FAM20B: variants seen among roughly 807,000 people sequenced by gnomAD.
The protein encoded by FAM20B is glycosaminoglycan xylosylkinase.
FAM20B carries 23 observed loss-of-function variants against 43.8 expected under a neutral mutation model. The ratio of observed to expected loss-of-function variants is 0.53; its 90% CI spans 0.38 to 0.74. The LOEUF is 0.74. Ranked by LOEUF, FAM20B falls within the 30% of genes least tolerant of loss-of-function variation. The probability of loss-of-function intolerance (pLI) is 0.00; values close to 1 mark genes in which losing one functional copy is unlikely to be tolerated. For synonymous variants in FAM20B, 178 were observed against 192.4 expected, an observed-to-expected ratio of 0.93 and a Z score of 0.62; for missense variants, 440 against 510.5, an observed-to-expected ratio of 0.86 and a Z score of 1.33.
chr1:179,038,128 G>C (rs1209488492), intron 1 of FAM20B, among the ~76,000 whole-genome samples: 1 of 152,282 alleles, frequency 6.6e-6, no homozygotes, highest in Non-Finnish European at 1.5e-5. Context: ...TTTATGGGTT[G>C]GTCGGGACAG....
At chr1:179,056,232 T>C (rs985513761) in intron 4 of FAM20B, among the ~76,000 whole-genome samples, 2 of 152,208 alleles carry the variant, frequency 1.3e-5, no homozygotes, top group African/African-American at 2.4e-5. Context: ...GTATACATCA[T>C]TATAGTATCA....
chr1:179,018,251 G>A, the FAM20B span, among the ~76,000 whole-genome samples: 1 of 152,170 alleles, frequency 6.6e-6, no homozygotes, highest in Non-Finnish European at 1.5e-5. Context: ...CAGCCTAAAT[G>A]TCTAACTTAA....
At chr1:179,049,901 T>C (rs1650931704) in intron 2 of FAM20B, among the ~76,000 whole-genome samples, 1 of 152,212 alleles carries the variant, frequency 6.6e-6, no homozygotes, top group South Asian at 2.1e-4. Context: ...ATAAACATTT[T>C]AGTAGACATT....
rs1651997340 is a variant in FAM20B, at chr1:179,073,130, C to T, written c.*986C>T. On this transcript the variant is annotated 3_prime_UTR_variant, in exon 8 of 8. Coordinates refer to ENST00000263733, the MANE Select transcript of FAM20B (RefSeq NM_014864.4). ...TGAATTTCCACCTCTGCCTTTAAGG[C>T]ATTTTTGTCACTGAAGCTGCTGTTC... The T allele has an allele frequency of 6.6e-6, 1 of 152,204 alleles. No individual in the cohort carries two copies. Among genetic ancestry groups the T allele is most frequent in the Non-Finnish European group, 1.5e-5 (1 of 68,046 alleles). 9.4% of individuals were successfully genotyped at this position (152,204 alleles called of 1,614,324 possible). A position where few individuals can be genotyped will look rare whatever the true frequency, so the allele number is the denominator to read the frequency against.
intron 2 of FAM20B, among the ~76,000 whole-genome samples, chr1:179,048,892 C>A (rs376034092): frequency 1.7e-3 from 256 of 152,270 alleles, no homozygotes; most frequent in South Asian, 5.2e-3. Flanking sequence ...AGTTGAAGTT[C>A]ACTGCCTTTT....
intron 4 of FAM20B, among the ~76,000 whole-genome samples, chr1:179,058,986 G>A (rs1651345777): frequency 6.6e-6 from 1 of 152,168 alleles, no homozygotes; most frequent in Non-Finnish European, 1.5e-5. Flanking sequence ...TTAGGGAGGT[G>A]GAGCAGAGAA....
chr1:179,036,506 A>G (rs934616642), intron 1 of FAM20B, among the ~76,000 whole-genome samples: 1 of 152,158 alleles, frequency 6.6e-6, no homozygotes, highest in African/African-American at 2.4e-5. Flanking sequence ...TTCTTCTGAG[A>G]ATGTTAGTGA....
intron 2 of FAM20B, among the ~76,000 whole-genome samples, chr1:179,047,922 C>CT (rs1339949574): frequency 1.3e-5 from 2 of 152,222 alleles, no homozygotes; most frequent in African/African-American, 4.8e-5. Context: ...AGAGAAGAAT[C>CT]TAAGTCCTTT....
At chr1:179,028,315 G>A (rs929353493) in intron 1 of FAM20B, among the ~76,000 whole-genome samples, 3 of 152,336 alleles carry the variant, frequency 2.0e-5, no homozygotes, top group East Asian at 3.9e-4. Context: ...CGGGCGCGGT[G>A]GCTTATGCCT....
chr1:179,054,017 C>T (rs10913682), intron 3 of FAM20B, among the ~76,000 whole-genome samples: 107,322 of 151,882 alleles, frequency 0.71, 39,081 homozygotes, highest in African/African-American at 0.88. Flanking sequence ...TAAAATAAAT[C>T]ATTGTTTTCA....
intron 1 of FAM20B, among the ~76,000 whole-genome samples, chr1:179,042,073 G>T (rs996599989): frequency 3.9e-5 from 6 of 152,186 alleles, no homozygotes; most frequent in Non-Finnish European, 8.8e-5. Flanking sequence ...GATCCTTGGG[G>T]TGTCACTTTG....
intron 1 of FAM20B, among the ~76,000 whole-genome samples, chr1:179,034,508 T>C (rs1374553865): frequency 6.6e-6 from 1 of 152,132 alleles, no homozygotes; most frequent in African/African-American, 2.4e-5. Context: ...GTGTTAGGAT[T>C]ACAGGTGTAA....
chr1:179,026,373 C>T (rs1413988151), intron 1 of FAM20B, among the ~76,000 whole-genome samples: 3 of 151,940 alleles, frequency 2.0e-5, no homozygotes, highest in Non-Finnish European at 2.9e-5. Flanking sequence ...AGGGACGCGG[C>T]CTCGGCCGCC....
At chr1:179,041,824 A>G (rs899207914) in intron 1 of FAM20B, among the ~76,000 whole-genome samples, 2 of 152,120 alleles carry the variant, frequency 1.3e-5, no homozygotes, top group African/African-American at 4.8e-5. Flanking sequence ...ATGAGAACCA[A>G]ATACTGGTGG....
intron 4 of FAM20B, among the ~76,000 whole-genome samples, chr1:179,060,432 T>C (rs1480132151): frequency 6.6e-6 from 1 of 152,110 alleles, no homozygotes; most frequent in African/African-American, 2.4e-5. Context: ...TTGCACAGCA[T>C]GAGGTGAGGG....
At chr1:179,038,271 C>T (rs529913029) in intron 1 of FAM20B, among the ~76,000 whole-genome samples, 9 of 151,914 alleles carry the variant, frequency 5.9e-5, no homozygotes, top group South Asian at 2.1e-4. Context: ...CTTAGCTGGG[C>T]GTGGTGGCGC....
At chr1:179,071,867 A>G (rs765317086) in intron 7 of FAM20B, 46 bp from the exon 8 acceptor site, 4 of 1,345,250 alleles carry the variant, frequency 3.0e-6, no homozygotes, top group Non-Finnish European at 4.2e-6. Flanking sequence ...ACTCCGTTTG[A>G]TAATGAGAAG....
intron 4 of FAM20B, among the ~76,000 whole-genome samples, chr1:179,063,589 A>AAAC (rs966212294): frequency 1.3e-5 from 2 of 152,156 alleles, no homozygotes; most frequent in African/African-American, 4.8e-5. Context: ...CCCTGTCTCA[A>AAAC]AACAACAACA....
chr1:179,017,807 A>G, the FAM20B span, among the ~76,000 whole-genome samples: 11 of 152,254 alleles, frequency 7.2e-5, no homozygotes, highest in African/African-American at 2.7e-4. Context: ...TGTGTATAAT[A>G]GTATCAAAGA....
Sources: allele counts gnomAD v4.1 joint callset (sites outside exome capture counted in the v4.1 genomes callset), GRCh38; gene constraint gnomAD v4.1.1; transcripts MANE v1.5; gene names NCBI Gene and HGNC (gene_info 2026-07-23, HGNC 2026-07-21).